PGM1: variants seen among roughly 807,000 people sequenced by gnomAD.
PGM1 encodes phosphoglucomutase-1.
In PGM1, 52 loss-of-function variants were observed where a neutral mutation model predicts 55.6. The ratio of observed to expected loss-of-function variants is 0.94; its 90% CI spans 0.75 to 1.18. The LOEUF (loss-of-function observed/expected upper bound fraction) is 1.18, where lower values mean the gene tolerates loss of function less well. PGM1 is among the 50% of genes most tolerant of loss of function. The pLI is 0.00. For missense variants in PGM1, 724 were observed against 729.3 expected, an observed-to-expected ratio of 0.99 and a Z score of 0.08; for synonymous variants, 287 against 271.7, an observed-to-expected ratio of 1.06 and a Z score of -0.55.
chr1:63,632,183 A>G (rs1232202105), intron 4 of PGM1, among the ~76,000 whole-genome samples: 7 of 151,852 alleles, frequency 4.6e-5, no homozygotes, highest in Non-Finnish European at 8.8e-5. Context: ...CCTGCCCCCA[A>G]ATGCTCGTTT....
At chr1:63,596,186 C>T (rs1648060089) in intron 1 of PGM1, among the ~76,000 whole-genome samples, 1 of 151,702 alleles carries the variant, frequency 6.6e-6, no homozygotes, top group Non-Finnish European at 1.5e-5. Context: ...TTTGGAAGTT[C>T]CTTCATGGGC....
intron 1 of PGM1, among the ~76,000 whole-genome samples, chr1:63,619,610 C>G (rs1242210622): frequency 6.6e-6 from 1 of 152,230 alleles, no homozygotes; most frequent in Admixed American, 6.5e-5. Flanking sequence ...GGTTTATATT[C>G]TTTTTGCTTA....
At chr1:63,626,869 A>G (rs1333914451) in intron 1 of PGM1, among the ~76,000 whole-genome samples, 1 of 151,972 alleles carries the variant, frequency 6.6e-6, no homozygotes, top group Non-Finnish European at 1.5e-5. Context: ...ACAACTCCCC[A>G]TCTTTCCCTC....
At chr1:63,635,566 C>G (rs1033219336) in intron 5 of PGM1, among the ~76,000 whole-genome samples, 1 of 152,160 alleles carries the variant, frequency 6.6e-6, no homozygotes, top group Non-Finnish European at 1.5e-5. Flanking sequence ...AGAGATGTGT[C>G]TTAGGTTTAT....
chr1:63,632,992 C>G lies in PGM1; in HGVS notation c.682+1210C>G, dbSNP rs189948560. ...GAGCGGAGATCACACCACTGCCCCCCAGCCTGGGCGACAAAGCAAGACTCC... is the reference window on the plus strand; with the variant it reads ...GAGCGGAGATCACACCACTGCCCCCGAGCCTGGGCGACAAAGCAAGACTCC... On this transcript the variant is annotated intron_variant, in intron 4 of 10. Coordinates refer to ENST00000371084, the MANE Select transcript of PGM1 (RefSeq NM_002633.3). 5.8e-3 allele frequency among the ~76,000 whole-genome samples: 878 copies of G among 152,262 alleles called. 4 individuals are homozygous for G. Among genetic ancestry groups the G allele is most frequent in the Non-Finnish European group, 9.6e-3 (655 of 68,034 alleles).
At chr1:63,594,216 T>G in intron 1 of PGM1, 1 of 812,648 alleles carries the variant, frequency 1.2e-6, no homozygotes, top group Non-Finnish European at 1.5e-6. Context: ...CGGCTAGGAC[T>G]GGCGCTTCCC....
rs540546735 is a variant in PGM1, at chr1:63,659,081, T to C, written c.1600-505T>C. ...TCCCACCGGGTCCCTCCCACAACACTTGGGAATTATGGGAGCTACAAGATG... is the reference window on the plus strand; with the variant it reads ...TCCCACCGGGTCCCTCCCACAACACCTGGGAATTATGGGAGCTACAAGATG... On this transcript the variant is annotated intron_variant, in intron 10 of 10. Coordinates refer to ENST00000371084, the MANE Select transcript of PGM1 (RefSeq NM_002633.3). Among the ~76,000 whole-genome samples the C allele has an allele frequency of 1.2e-4, 19 of 152,090 alleles. No individual in the cohort carries two copies. The highest frequency in any genetic ancestry group is 9.2e-4 in the Admixed American group (14 of 15,286).
chr1:63,638,775 T>G lies in PGM1; in HGVS notation c.1119T>G (p.Leu373=). ...TGATGGACGCGAGCAAACTGTCCCT[T>G]TGTGGGGAGGAGAGCTTCGGGACCG... ...GNLMDASKLS[L]CGEESFGTGS... is the part of the protein sequence containing the mutation. The change falls in exon 7 of 11, where the codon CTT becomes CTG. Residue 373 remains leucine, a synonymous_variant. Transcript: ENST00000371084. 1 of 1,613,798 alleles carries G rather than the reference T, an allele frequency of 6.2e-7. No homozygotes were observed. The highest frequency in any genetic ancestry group is 8.5e-7 in the Non-Finnish European group (1 of 1,179,710).
In PGM1 at chr1:63,649,632, T is replaced by C. The variant is rs192979885; in HGVS notation, c.1280+980T>C. On this transcript the variant is annotated intron_variant, in intron 8 of 10. Coordinates refer to ENST00000371084, the MANE Select transcript of PGM1 (RefSeq NM_002633.3). ...TTTATAGTCCGTGATCTCTGGATAGTCAAGAAAGAATTCAACTAAGTAAAT... is the reference window on the plus strand; with the variant it reads ...TTTATAGTCCGTGATCTCTGGATAGCCAAGAAAGAATTCAACTAAGTAAAT... 2.6e-5 allele frequency among the ~76,000 whole-genome samples: 4 copies of C among 152,360 alleles called. No individual in the cohort carries two copies. In the East Asian group the frequency reaches 7.7e-4, roughly 29 times the overall value.
intron 10 of PGM1, among the ~76,000 whole-genome samples, chr1:63,657,608 G>A (rs11208260): frequency 0.31 from 47,133 of 151,950 alleles, 7,950 homozygotes; most frequent in African/African-American, 0.45. Flanking sequence ...CTAAAACTCT[G>A]TACCCATTGA....
chr1:63,611,405 A>G (rs1648560719), intron 1 of PGM1, among the ~76,000 whole-genome samples: 1 of 152,178 alleles, frequency 6.6e-6, no homozygotes, highest in Non-Finnish European at 1.5e-5. Flanking sequence ...TCCTAACTCC[A>G]GCATTGCAGG....
chr1:63,605,022 T>A (rs1418381935), intron 1 of PGM1, among the ~76,000 whole-genome samples: 1 of 151,368 alleles, frequency 6.6e-6, no homozygotes, highest in Non-Finnish European at 1.5e-5. Flanking sequence ...ATAGGAGTGT[T>A]CACATTGTCG....
intron 1 of PGM1, among the ~76,000 whole-genome samples, chr1:63,605,274 C>T (rs2100960833): frequency 6.6e-6 from 1 of 152,282 alleles, no homozygotes; most frequent in South Asian, 2.1e-4. Context: ...AGGCCAGGCT[C>T]CTGGCTCTTT....
chr1:63,639,214 A>C (rs769440871), intron 7 of PGM1, among the ~76,000 whole-genome samples: 1 of 152,172 alleles, frequency 6.6e-6, no homozygotes, highest in Non-Finnish European at 1.5e-5. Flanking sequence ...CACAGCATTA[A>C]ATCTTTCTCT....
At chr1:63,658,464 T>C (rs1272795389) in intron 10 of PGM1, among the ~76,000 whole-genome samples, 1 of 151,878 alleles carries the variant, frequency 6.6e-6, no homozygotes, top group Non-Finnish European at 1.5e-5. Flanking sequence ...TAAAGATTCC[T>C]GTATTAGGCC....
At chr1:63,623,831 C>T (rs539897614) in intron 1 of PGM1, 779 of 1,070,984 alleles carry the variant, frequency 7.3e-4, no homozygotes, top group Non-Finnish European at 1.0e-3. Context: ...AGTATACAAA[C>T]GTACAAGGAT....
intron 1 of PGM1, among the ~76,000 whole-genome samples, chr1:63,604,710 C>T (rs1648362326): frequency 1.3e-5 from 2 of 152,146 alleles, no homozygotes; most frequent in Admixed American, 1.3e-4. Context: ...GCCCATTGTT[C>T]TTCCTGCCCA....
chr1:63,625,716 TA>T (rs1175852578), intron 1 of PGM1, among the ~76,000 whole-genome samples: 1 of 152,268 alleles, frequency 6.6e-6, no homozygotes, highest in Non-Finnish European at 1.5e-5. Flanking sequence ...GAGATCATTT[TA>T]TTTTTTTTCC....
intron 7 of PGM1, among the ~76,000 whole-genome samples, chr1:63,641,388 A>G (rs957733228): frequency 6.6e-6 from 1 of 152,222 alleles, no homozygotes; most frequent in Non-Finnish European, 1.5e-5. Flanking sequence ...GAACGAGTGC[A>G]GCTGGGCTTA....
Sources: allele counts gnomAD v4.1 joint callset (sites outside exome capture counted in the v4.1 genomes callset), GRCh38; gene constraint gnomAD v4.1.1; transcripts MANE v1.5; gene names NCBI Gene and HGNC (gene_info 2026-07-23, HGNC 2026-07-21).